GIMAP8: variants seen among roughly 807,000 people sequenced by gnomAD.
GIMAP8 encodes GTPase, IMAP family member 8, also known as GTPase IMAP family member 8.
In GIMAP8, 29 loss-of-function variants were observed where a neutral mutation model predicts 35.6. That is an observed-to-expected ratio of 0.81 (90% confidence interval 0.61 to 1.11). The LOEUF is 1.11. GIMAP8 is among the 50% of genes most tolerant of loss of function. The probability of loss-of-function intolerance (pLI) is 0.00; values close to 1 mark genes in which losing one functional copy is unlikely to be tolerated. For missense variants in GIMAP8, 811 were observed against 805.0 expected (o/e 1.01, Z -0.09); for synonymous variants, 335 against 308.7 (o/e 1.09, Z -0.89).
rs1384402143 is a variant in GIMAP8, at chr7:150,451,985, T to G, written c.-29+810T>G. On this transcript the variant is annotated intron_variant, in intron 1 of 4. Transcript: ENST00000307271. The surrounding 1 kb of genome is among the most constrained non-coding windows in gnomAD (Gnocchi z 4.1). ...CCTGCTCTGTAAGTGGGAACTGCGA[T>G]TAGATGTGGGATGAATCCCCGCATG... is the stretch of plus-strand genomic sequence containing the variant. Among the ~76,000 whole-genome samples, 4 of 152,202 alleles carry G rather than the reference T, an allele frequency of 2.6e-5. No homozygotes were observed. Among genetic ancestry groups the G allele is most frequent in the African/African-American group, 4.8e-5 (2 of 41,452 alleles).
In GIMAP8 at chr7:150,473,992, C is replaced by T; in HGVS notation, c.683-20C>T. On this transcript the variant is annotated intron_variant, in intron 3 of 4. Coordinates refer to ENST00000307271, the MANE Select transcript of GIMAP8 (RefSeq NM_175571.4). ...TTCAACTGCAGGAAGAGACTCTGAACCTGTCCATTTGTCCCACAGGCCCAA... is the reference window on the plus strand; with the variant it reads ...TTCAACTGCAGGAAGAGACTCTGAATCTGTCCATTTGTCCCACAGGCCCAA... 6.2e-7 allele frequency: 1 copy of T among 1,600,138 alleles called. No homozygotes were observed. Among genetic ancestry groups the T allele is most frequent in the Non-Finnish European group, 8.5e-7 (1 of 1,173,786 alleles).
chr7:150,466,626 C>G, intron 1 of GIMAP8, 45 bp from the exon 2 acceptor site: 1 of 1,504,196 alleles, frequency 6.6e-7, no homozygotes, highest in Non-Finnish European at 9.0e-7. Context: ...CCTGTCCACT[C>G]TGTGTGGGAG....
chr7:150,474,213 AAAAG>A lies in GIMAP8; in HGVS notation c.889_892del (p.Lys297PhefsTer12). Reference sequence around the variant, plus strand: ...TTGTCTGAGAGCAGAAGCTGGAGAAAAAAGAAAGTTTCGATCATTGATGCTCCGG... The same window carrying A: ...TTGTCTGAGAGCAGAAGCTGGAGAAAAAAGTTTCGATCATTGATGCTCCGG... On this transcript the variant is annotated frameshift_variant, in exon 4 of 5. Transcript: ENST00000307271. LOFTEE classifies it high-confidence loss of function. 6.2e-7 allele frequency: 1 copy of A among 1,614,192 alleles called. No homozygotes were observed.
At position 150,466,791 on chromosome 7, in the gene GIMAP8, G is replaced by A. The variant is rs781744259; in HGVS notation, c.93G>A (p.Leu31=). 18 of 1,614,210 alleles carry A rather than the reference G, an allele frequency of 1.1e-5. No homozygotes were observed. The highest frequency in any genetic ancestry group is 1.5e-5 in the Non-Finnish European group (18 of 1,180,038). ...SGKSATGNAI[L]GKHVFKSKFS... The stretch of plus-strand genomic sequence containing the variant: ...AAAGTGCCACAGGAAATGCCATTCT[G>A]GGCAAACATGTGTTCAAGTCCAAGT... The change falls in exon 2 of 5, where the codon CTG becomes CTA. Residue 31 remains leucine (L), a synonymous_variant. Coordinates refer to ENST00000307271, the MANE Select transcript of GIMAP8 (RefSeq NM_175571.4).
At chr7:150,469,310 C>T (rs1802038047) in intron 2 of GIMAP8, among the ~76,000 whole-genome samples, 1 of 152,150 alleles carries the variant, frequency 6.6e-6, no homozygotes, top group South Asian at 2.1e-4. Flanking sequence ...CTCAGGGAGT[C>T]CTCCCTGACC....
At chr7:150,453,931 G>A (rs1585110183) in intron 1 of GIMAP8, among the ~76,000 whole-genome samples, 1 of 152,044 alleles carries the variant, frequency 6.6e-6, no homozygotes, top group Non-Finnish European at 1.5e-5. Flanking sequence ...GCTAGGTATG[G>A]GGTGGGGGTG....
At chr7:150,458,141 GGT>G (rs139322450) in intron 1 of GIMAP8, among the ~76,000 whole-genome samples, 6 of 150,542 alleles carry the variant, frequency 4.0e-5, no homozygotes, top group Non-Finnish European at 7.4e-5. Context: ...TGATGTGTGT[GGT>G]GTGTGTGTGT....
chr7:150,476,859 C>A (rs1802239930), intron 4 of GIMAP8, among the ~76,000 whole-genome samples: 4 of 152,166 alleles, frequency 2.6e-5, no homozygotes, highest in Admixed American at 2.0e-4. Context: ...GGTGGATGAA[C>A]CCTGGACGGA....
chr7:150,474,726 T>C (rs1452254440), intron 4 of GIMAP8, 88 bp downstream of exon 4: 5 of 908,212 alleles, frequency 5.5e-6, no homozygotes, highest in Non-Finnish European at 7.7e-6. Context: ...TTCTTTTTTT[T>C]CTTTTTTTTT....
At position 150,466,240 on chromosome 7, in the gene GIMAP8, T is replaced by G. The variant is rs575629593; in HGVS notation, c.-28-431T>G. ...AAACTTGGCTACTCATTAGAATTAC[T>G]GTGACATTTGATGAATACAGATTTC... On this transcript the variant is annotated intron_variant, in intron 1 of 4. Coordinates refer to ENST00000307271, the MANE Select transcript of GIMAP8 (RefSeq NM_175571.4). Among the ~76,000 whole-genome samples, 254 of 152,338 alleles carry G rather than the reference T, an allele frequency of 1.7e-3. 1 individual carries two copies. The highest frequency in any genetic ancestry group is 5.8e-3 in the African/African-American group (241 of 41,578).
rs959837921 is a variant in GIMAP8 at position 150,470,963 on chromosome 7, AT to A, written c.682+90del. On this transcript the variant is annotated intron_variant, in intron 3 of 4. Transcript: ENST00000307271. ...AAAGTGAAGCGGAAACATTATCCAT[AT>A]AAACCAGAAAATTCACCCTGGGGAC... 63 of 1,014,298 alleles carry A rather than the reference AT, an allele frequency of 6.2e-5. No individual in the cohort carries two copies. The African/African-American group carries it at 8.7e-4, about 14-fold the overall frequency. The allele number at this position is 1,014,298 out of a possible 1,614,324, so 62.8% of individuals were successfully genotyped here.
In GIMAP8 at chr7:150,466,861, G is replaced by A; in HGVS notation, c.163G>A (p.Val55Ile). The A allele has an allele frequency of 6.2e-7, 1 of 1,614,198 alleles. No homozygotes were observed. The highest frequency in any genetic ancestry group is 8.5e-7 in the Non-Finnish European group (1 of 1,180,036). Residue 55 changes from valine (V) to isoleucine (I), a missense_variant, in exon 2 of 5, where the codon GTC becomes ATC. Physicochemically the swap from Val to Ile is conservative, Grantham distance 29 (BLOSUM62 3). Coordinates refer to ENST00000307271, the MANE Select transcript of GIMAP8 (RefSeq NM_175571.4). ...CAAAATGTGCCAGAGAGAGAGTTGG[G>A]TCCTGAGAGAAAGGAAGGTTGTGGT... The part of the protein sequence containing the change: ...VIKMCQRESW[V>I]LRERKVVVID...
In GIMAP8 at chr7:150,466,566, T is replaced by C; in HGVS notation, c.-28-105T>C. On this transcript the variant is annotated intron_variant, in intron 1 of 4. Transcript: ENST00000307271. ...GGTCTAGAACTTCAGTAGCTCAAAT[T>C]CATTGGCGGCAATTTGAGTCAAAAA... The C allele has an allele frequency of 4.1e-6, 4 of 975,316 alleles. No individual in the cohort carries two copies. The South Asian group carries it at 6.7e-5, about 16-fold the overall frequency. The allele number at this position is 975,316 out of a possible 1,614,324, so 60.4% of individuals were successfully genotyped here.
At chr7:150,471,265 A>G (rs976710608) in intron 3 of GIMAP8, among the ~76,000 whole-genome samples, 1 of 152,220 alleles carries the variant, frequency 6.6e-6, no homozygotes, top group Non-Finnish European at 1.5e-5. Flanking sequence ...GATGGGGTGC[A>G]GTATTCAGGT....
At chr7:150,470,011 A>G (rs1019325483) in intron 2 of GIMAP8, among the ~76,000 whole-genome samples, 2 of 152,254 alleles carry the variant, frequency 1.3e-5, no homozygotes, top group African/African-American at 4.8e-5. Flanking sequence ...AGATAGAAGT[A>G]TATATACCAG....
chr7:150,470,948 G>T, intron 3 of GIMAP8, 74 bp downstream of exon 3: 1 of 1,136,670 alleles, frequency 8.8e-7, no homozygotes, highest in South Asian at 1.2e-5. Flanking sequence ...AAAGTGAAGC[G>T]GAAACATTAT....
intron 2 of GIMAP8, 78 bp from the exon 3 acceptor site, chr7:150,470,751 T>TG (rs1802069738): frequency 1.6e-6 from 1 of 643,520 alleles, no homozygotes; most frequent in Non-Finnish European, 2.4e-6. Context: ...ATTTCCTTTT[T>TG]TTTTTTTTTT....
At position 150,451,604 on chromosome 7, in the gene GIMAP8, A is replaced by AGAAGCAGGCG. The variant is rs1206373346; in HGVS notation, c.-29+437_-29+446dup. Reference sequence around the variant, plus strand: ...GGGCTGAGACTGGCAGAAGGGAGGAAGAAGCAGGCGGAAGCAGCCGGTCAG... The same window carrying AGAAGCAGGCG: ...GGGCTGAGACTGGCAGAAGGGAGGAAGAAGCAGGCGGAAGCAGGCGGAAGCAGCCGGTCAG... On this transcript the variant is annotated intron_variant, in intron 1 of 4. Transcript: ENST00000307271. This position sits in a 1 kb window ranked among gnomAD's most constrained non-coding sequence, Gnocchi z 4.1. 6.6e-6 allele frequency among the ~76,000 whole-genome samples: 1 copy of AGAAGCAGGCG among 152,156 alleles called. No homozygotes were observed. The highest frequency in any genetic ancestry group is 1.5e-5 in the Non-Finnish European group (1 of 68,024).
chr7:150,464,259 G>A (rs777126870), intron 1 of GIMAP8, among the ~76,000 whole-genome samples: 30 of 152,098 alleles, frequency 2.0e-4, no homozygotes, highest in South Asian at 4.1e-4. Context: ...CTTTGTAGAC[G>A]GCAGATCATT....
Sources: allele counts gnomAD v4.1 joint callset (sites outside exome capture counted in the v4.1 genomes callset), GRCh38; gene constraint gnomAD v4.1.1; non-coding constraint Gnocchi (gnomAD v3.1); transcripts MANE v1.5; gene names NCBI Gene and HGNC (gene_info 2026-07-23, HGNC 2026-07-21).